The following CTNNA3 variants were observed in gnomAD, a reference collection of about 807,000 sequenced individuals.
CTNNA3 encodes catenin alpha-3.
Under a neutral mutation model 95.7 loss-of-function variants are expected in CTNNA3, and 76 were observed. The ratio of observed to expected loss-of-function variants is 0.79; its 90% CI spans 0.66 to 0.96. The LOEUF is 0.96. Among genes scored for constraint, CTNNA3 ranks in the 40% least tolerant of loss-of-function variants. The pLI, the probability that CTNNA3 is intolerant of heterozygous loss-of-function variation, is 0.00. For synonymous variants in CTNNA3, 431 were observed against 374.4 expected (o/e 1.15, Z -1.74); for missense variants, 1,191 against 1,089.8 (o/e 1.09, Z -1.31).
intron 7 of CTNNA3, among the ~76,000 whole-genome samples, chr10:66,787,103 T>C (rs1273722529): frequency 6.6e-6 from 1 of 152,206 alleles, no homozygotes; most frequent in East Asian, 1.9e-4. Flanking sequence ...AATTAAAACC[T>C]CTACTTAGTG....
At chr10:66,685,872 T>C (rs1203237237) in intron 9 of CTNNA3, among the ~76,000 whole-genome samples, 4 of 152,138 alleles carry the variant, frequency 2.6e-5, no homozygotes, top group African/African-American at 7.2e-5. Context: ...ATTATTCAAC[T>C]TCACTGATTC....
chr10:66,498,814 C>A (rs1193363242), intron 11 of CTNNA3, among the ~76,000 whole-genome samples: 1 of 152,164 alleles, frequency 6.6e-6, no homozygotes, highest in East Asian at 1.9e-4. Context: ...TTTTTGCAGT[C>A]TAACTAGAAT....
chr10:66,820,341 G>C (rs771469677), intron 7 of CTNNA3, among the ~76,000 whole-genome samples: 85 of 151,998 alleles, frequency 5.6e-4, no homozygotes, highest in Non-Finnish European at 1.0e-3. Context: ...AGAAATTGAA[G>C]TGACTGGTAA....
intron 7 of CTNNA3, among the ~76,000 whole-genome samples, chr10:67,127,041 CAAGT>C (rs1314240580): frequency 3.3e-5 from 5 of 152,190 alleles, no homozygotes; most frequent in Admixed American, 6.5e-5. Flanking sequence ...CCTGACAACT[CAAGT>C]GAGTAAACAC....
intron 5 of CTNNA3, among the ~76,000 whole-genome samples, chr10:67,418,847 G>GT (rs1439925534): frequency 2.6e-4 from 39 of 152,108 alleles, no homozygotes; most frequent in South Asian, 4.1e-4. Context: ...AGAATAAATC[G>GT]TAAGTGTTCT....
At chr10:66,596,493 T>C (rs964071366) in intron 10 of CTNNA3, among the ~76,000 whole-genome samples, 5 of 152,098 alleles carry the variant, frequency 3.3e-5, no homozygotes, top group Admixed American at 3.3e-4. Flanking sequence ...ATTAAACAAT[T>C]CAGGACACTG....
At chr10:66,860,363 CA>C (rs940995972) in intron 7 of CTNNA3, among the ~76,000 whole-genome samples, 6 of 152,046 alleles carry the variant, frequency 3.9e-5, no homozygotes, top group African/African-American at 1.4e-4. Flanking sequence ...GAAAAACCTA[CA>C]AAAATATCAA....
intron 7 of CTNNA3, among the ~76,000 whole-genome samples, chr10:67,139,633 G>A (rs1266101610): frequency 6.7e-6 from 1 of 148,952 alleles, no homozygotes; most frequent in Non-Finnish European, 1.5e-5. Context: ...GGCTGGTCTC[G>A]AACTCCTGGC....
At chr10:67,129,006 A>C (rs1806968107) in intron 7 of CTNNA3, among the ~76,000 whole-genome samples, 1 of 152,170 alleles carries the variant, frequency 6.6e-6, no homozygotes. Flanking sequence ...TGACCACATG[A>C]ATTATAAAAG....
At chr10:66,495,075 C>T (rs993603259) in intron 11 of CTNNA3, among the ~76,000 whole-genome samples, 1 of 152,118 alleles carries the variant, frequency 6.6e-6, no homozygotes, top group African/African-American at 2.4e-5. Flanking sequence ...CAATCAGTGC[C>T]AAATATTTGC....
intron 5 of CTNNA3, among the ~76,000 whole-genome samples, chr10:67,322,064 T>A (rs918681093): frequency 6.6e-6 from 1 of 152,074 alleles, no homozygotes; most frequent in South Asian, 2.1e-4. Context: ...AGATACTGTG[T>A]CATTTTTCAC....
intron 5 of CTNNA3, among the ~76,000 whole-genome samples, chr10:67,358,845 T>G (rs978576521): frequency 5.9e-5 from 9 of 151,980 alleles, no homozygotes; most frequent in Non-Finnish European, 1.3e-4. Context: ...GCAACAGTGA[T>G]TAAAGAGGTC....
chr10:67,646,639 G>T (rs976772951), intron 2 of CTNNA3, among the ~76,000 whole-genome samples: 2 of 152,040 alleles, frequency 1.3e-5, no homozygotes, highest in African/African-American at 4.8e-5. Flanking sequence ...CTGAGGAAAG[G>T]TCGGCATAGT....
At position 66,360,682 on chromosome 10, in the gene CTNNA3, C is replaced by CTTT. The variant is rs1564896489; in HGVS notation, c.1732+18469_1732+18470insAAA. Among the ~76,000 whole-genome samples the CTTT allele has an allele frequency of 5.0e-4, 24 of 48,126 alleles. 2 individuals carry two copies. Among genetic ancestry groups the CTTT allele is most frequent in the Middle Eastern group, 0.013 (1 of 76 alleles). The allele number at this position is 48,126 out of a possible 152,430, so 31.6% of individuals were successfully genotyped here. A position where few individuals can be genotyped will look rare whatever the true frequency, so the allele number is the denominator to read the frequency against. On this transcript the variant is annotated intron_variant, in intron 12 of 17. Coordinates refer to ENST00000433211, the MANE Select transcript of CTNNA3 (RefSeq NM_013266.4). ...TTCTTCCTTCCTTCCTTCCTTCCTT[C>CTTT]CTTCCTTCCTTTTCTTTCTTTCTTT...
In CTNNA3 at chr10:66,069,447, C is replaced by A; in HGVS notation, c.2020G>T (p.Ala674Ser). The A allele has an allele frequency of 6.2e-7, 1 of 1,613,258 alleles. No individual in the cohort carries two copies. The highest frequency in any genetic ancestry group is 8.5e-7 in the Non-Finnish European group (1 of 1,179,640). ...TTCTTGAAATCAGCAACTTGCTCAG[C>A]AATCTTTTCTTTTTCTGCCTCAGGC... The part of the protein sequence containing the change: ...QLPEAEKEKI[A>S]EQVADFKKVK... The change falls in exon 15 of 18, where the codon GCT (alanine) becomes TCT (serine). Residue 674 changes from alanine (A) to serine (S), a missense_variant. Physicochemically the swap from Ala to Ser is moderately conservative, Grantham distance 99 (BLOSUM62 1). Coordinates refer to ENST00000433211, the MANE Select transcript of CTNNA3 (RefSeq NM_013266.4).
At chr10:66,504,729 C>A (rs1840393139) in intron 11 of CTNNA3, among the ~76,000 whole-genome samples, 1 of 152,098 alleles carries the variant, frequency 6.6e-6, no homozygotes. Context: ...AGATACACCC[C>A]TAAATAACTG....
intron 3 of CTNNA3, among the ~76,000 whole-genome samples, chr10:67,562,141 A>T (rs912104811): frequency 2.0e-5 from 3 of 152,214 alleles, no homozygotes; most frequent in Non-Finnish European, 4.4e-5. Context: ...TCATTTTATG[A>T]GGTCAGCATC....
At chr10:66,791,849 T>A (rs1840981651) in intron 7 of CTNNA3, among the ~76,000 whole-genome samples, 1 of 152,220 alleles carries the variant, frequency 6.6e-6, no homozygotes. Context: ...TACTGTCTTA[T>A]CAAAGCTCAT....
chr10:66,736,067 T>G (rs1443689675), intron 9 of CTNNA3, among the ~76,000 whole-genome samples: 6 of 152,154 alleles, frequency 3.9e-5, no homozygotes, highest in South Asian at 2.1e-4. Flanking sequence ...CAGAGTGCAG[T>G]TGAGCCACAG....
Sources: allele counts gnomAD v4.1 joint callset (sites outside exome capture counted in the v4.1 genomes callset), GRCh38; gene constraint gnomAD v4.1.1; transcripts MANE v1.5; gene names NCBI Gene and HGNC (gene_info 2026-07-23, HGNC 2026-07-21).